FAM83F: variants seen among roughly 807,000 people sequenced by gnomAD.
FAM83F encodes the protein protein FAM83F.
FAM83F carries 45 observed loss-of-function variants against 42.9 expected under a neutral mutation model. That is an observed-to-expected ratio of 1.05 (90% CI 0.83 to 1.35). The LOEUF (loss-of-function observed/expected upper bound fraction) is 1.35, where lower values mean the gene tolerates loss of function less well. Ranked by LOEUF, FAM83F falls within the 40% of genes most tolerant of loss-of-function variation. The probability of loss-of-function intolerance (pLI) is 0.00; values close to 1 mark genes in which losing one functional copy is unlikely to be tolerated. For missense variants in FAM83F, 617 were observed against 695.9 expected (o/e 0.89, Z 1.28); for synonymous variants, 306 against 298.3 (o/e 1.03, Z -0.27).
intron 1 of FAM83F, among the ~76,000 whole-genome samples, chr22:40,006,943 A>G (rs2145711103): frequency 6.6e-6 from 1 of 152,318 alleles, no homozygotes; most frequent in East Asian, 1.9e-4. Flanking sequence ...CAGCTGGGGC[A>G]GGCACCAGGC....
rs9611253 is a variant in FAM83F, at chr22:40,032,783, T to A, written c.*3218T>A. On this transcript the variant is annotated 3_prime_UTR_variant, in exon 5 of 5. Transcript: ENST00000333407. ...ACAGGGTTTCACCATGTTAGCCAGG[T>A]TGGTCTTGATCTCCTGACCTTGTGA... is the stretch of plus-strand genomic sequence containing the variant. 0.32 allele frequency: 48,942 copies of A among 151,648 alleles called. 8,180 individuals are homozygous for A. Among genetic ancestry groups the A allele is most frequent in the Non-Finnish European group, 0.38 (25,461 of 67,858 alleles). The allele number at this position is 151,648 out of a possible 1,614,324, so 9.4% of individuals were successfully genotyped here.
At position 40,042,360 on chromosome 22, in the gene FAM83F, T is replaced by C. The variant is rs1351931004; in HGVS notation, c.*12795T>C. On this transcript the variant is annotated 3_prime_UTR_variant, in exon 5 of 5. Transcript: ENST00000333407. Reference sequence around the variant, plus strand: ...AGAACAGGCTTTGGCCATCTCTGGATATTCCCATTCTGCTCCCTGCCACCA... The same window carrying C: ...AGAACAGGCTTTGGCCATCTCTGGACATTCCCATTCTGCTCCCTGCCACCA... 1 of 152,200 alleles carries C rather than the reference T, an allele frequency of 6.6e-6. No individual in the cohort carries two copies. Among genetic ancestry groups the C allele is most frequent in the Non-Finnish European group, 1.5e-5 (1 of 68,020 alleles). 9.4% of individuals were successfully genotyped at this position (152,200 alleles called of 1,614,324 possible). A position where few individuals can be genotyped will look rare whatever the true frequency, so the allele number is the denominator to read the frequency against.
chr22:40,011,342 G>T (rs775817162), intron 1 of FAM83F, among the ~76,000 whole-genome samples: 3 of 152,090 alleles, frequency 2.0e-5, no homozygotes, highest in Non-Finnish European at 2.9e-5. Context: ...GCGCCACCAT[G>T]CCCGGCTAAT....
intron 1 of FAM83F, among the ~76,000 whole-genome samples, chr22:40,004,391 C>T (rs2067417630): frequency 6.6e-6 from 1 of 151,888 alleles, no homozygotes; most frequent in Non-Finnish European, 1.5e-5. Context: ...CAACCTCTGC[C>T]TACTGGGTTC....
intron 1 of FAM83F, among the ~76,000 whole-genome samples, chr22:40,010,525 G>A (rs542566218): frequency 6.6e-6 from 1 of 152,166 alleles, no homozygotes; most frequent in Non-Finnish European, 1.5e-5. Flanking sequence ...AGTCCGACTC[G>A]CGAAAGCCAG....
intron 1 of FAM83F, chr22:40,009,954 T>G (rs1387685526): frequency 6.6e-6 from 1 of 152,234 alleles, no homozygotes; most frequent in Non-Finnish European, 1.5e-5. Flanking sequence ...CTCCCCGTCC[T>G]GCCGCCCAGG....
intron 1 of FAM83F, among the ~76,000 whole-genome samples, chr22:39,996,247 A>G (rs996506978): frequency 6.6e-6 from 1 of 152,220 alleles, no homozygotes; most frequent in East Asian, 1.9e-4. Flanking sequence ...GGCTGTTTCC[A>G]GGGTGGCTGG....
In FAM83F at chr22:40,029,857, C is replaced by T; in HGVS notation, c.*292C>T. On this transcript the variant is annotated 3_prime_UTR_variant, in exon 5 of 5. Coordinates refer to ENST00000333407, the MANE Select transcript of FAM83F (RefSeq NM_138435.4). ...GTGTCTGCTCGCCTTTGTGCCCCAC[C>T]CCCTCCGCTGATTGCCAGATGGGGT... The T allele has an allele frequency of 2.8e-6, 1 of 363,550 alleles. No individual in the cohort carries two copies. The highest frequency in any genetic ancestry group is 8.3e-4 in the Middle Eastern group (1 of 1,212). The allele number at this position is 363,550 out of a possible 1,614,324, so 22.5% of individuals were successfully genotyped here. A position where few individuals can be genotyped will look rare whatever the true frequency, so the allele number is the denominator to read the frequency against.
rs1360590731 is a variant in FAM83F, at chr22:40,033,446, A to G, written c.*3881A>G. 6.6e-6 allele frequency: 1 copy of G among 152,240 alleles called. No homozygotes were observed. Among genetic ancestry groups the G allele is most frequent in the Non-Finnish European group, 1.5e-5 (1 of 68,062 alleles). The allele number at this position is 152,240 out of a possible 1,614,324, so 9.4% of individuals were successfully genotyped here. A position where few individuals can be genotyped will look rare whatever the true frequency, so the allele number is the denominator to read the frequency against. On this transcript the variant is annotated 3_prime_UTR_variant, in exon 5 of 5. Coordinates refer to ENST00000333407, the MANE Select transcript of FAM83F (RefSeq NM_138435.4). ...AGGCACACAACTCTCCCCAGATCCC[A>G]CGTCACAGAGAATGCAGGTCTGAGT... is the stretch of plus-strand genomic sequence containing the variant.
chr22:39,996,729 G>C (rs1227735904), intron 1 of FAM83F, among the ~76,000 whole-genome samples: 1 of 152,154 alleles, frequency 6.6e-6, no homozygotes, highest in Non-Finnish European at 1.5e-5. Flanking sequence ...TTAGGTAGTT[G>C]GGGTGATCTA....
intron 1 of FAM83F, among the ~76,000 whole-genome samples, chr22:39,996,467 A>C (rs996553682): frequency 6.6e-6 from 1 of 152,238 alleles, no homozygotes; most frequent in African/African-American, 2.4e-5. Context: ...CTGAAATTCA[A>C]ATTGAATGGG....
chr22:40,001,227 T>A (rs746834563), intron 1 of FAM83F, among the ~76,000 whole-genome samples: 1 of 152,126 alleles, frequency 6.6e-6, no homozygotes, highest in Admixed American at 6.6e-5. Context: ...AGTTGAAAGG[T>A]CTTGATTTCT....
chr22:40,011,581 G>A (rs1015910973), intron 1 of FAM83F, among the ~76,000 whole-genome samples: 7 of 152,148 alleles, frequency 4.6e-5, no homozygotes, highest in Admixed American at 6.5e-5. Flanking sequence ...GCTGAGGCCT[G>A]TAGTGTGTTT....
chr22:40,009,926 GC>G (rs2067454043), intron 1 of FAM83F: 1 of 152,242 alleles, frequency 6.6e-6, no homozygotes, highest in Non-Finnish European at 1.5e-5. Flanking sequence ...GCATTTGGAG[GC>G]TCCCTCCCTG....
chr22:40,003,468 A>G (rs2067411848), intron 1 of FAM83F, among the ~76,000 whole-genome samples: 1 of 151,938 alleles, frequency 6.6e-6, no homozygotes, highest in South Asian at 2.1e-4. Flanking sequence ...TTCCAATCCA[A>G]GCTGGGGGAG....
intron 1 of FAM83F, among the ~76,000 whole-genome samples, chr22:40,003,563 C>A (rs2067412467): frequency 6.6e-6 from 1 of 151,948 alleles, no homozygotes; most frequent in South Asian, 2.1e-4. Context: ...GTGTCCTGAG[C>A]CACCCCCAAG....
Position 40,029,922 on chromosome 22 carries a change from G to C in FAM83F, c.*357G>C, listed in dbSNP as rs2067577232. ...TAAACCTTTATGGGGTGGGGTGTCT[G>C]GGGCAGCTGCAGTGGCTTCTCCTTT... On this transcript the variant is annotated 3_prime_UTR_variant, in exon 5 of 5. Coordinates refer to ENST00000333407, the MANE Select transcript of FAM83F (RefSeq NM_138435.4). The C allele has an allele frequency of 5.2e-6, 1 of 191,290 alleles. No homozygotes were observed. Among genetic ancestry groups the C allele is most frequent in the Admixed American group, 5.5e-5 (1 of 18,162 alleles). 11.8% of individuals were successfully genotyped at this position (191,290 alleles called of 1,614,324 possible).
intron 1 of FAM83F, among the ~76,000 whole-genome samples, chr22:40,003,550 G>C (rs1009928214): frequency 6.6e-6 from 1 of 151,758 alleles, no homozygotes; most frequent in Non-Finnish European, 1.5e-5. Flanking sequence ...CTGCTCAGGG[G>C]GGGTGTCCTG....
At chr22:40,002,312 G>A (rs1230220643) in intron 1 of FAM83F, among the ~76,000 whole-genome samples, 2 of 152,200 alleles carry the variant, frequency 1.3e-5, no homozygotes, top group African/African-American at 2.4e-5. Flanking sequence ...AGAGGGTGGA[G>A]CTGCTGATGG....
Sources: allele counts gnomAD v4.1 joint callset (sites outside exome capture counted in the v4.1 genomes callset), GRCh38; gene constraint gnomAD v4.1.1; transcripts MANE v1.5; gene names NCBI Gene and HGNC (gene_info 2026-07-23, HGNC 2026-07-21).